The following LRRTM4 variants were observed in gnomAD, a reference collection of about 807,000 sequenced individuals.
The protein encoded by LRRTM4 is leucine-rich repeat transmembrane neuronal protein 4.
In LRRTM4, 25 loss-of-function variants were observed where a neutral mutation model predicts 47.6. The ratio of observed to expected loss-of-function variants is 0.53; its 90% CI spans 0.38 to 0.73. LRRTM4 has a LOEUF of 0.73. LRRTM4 is among the 30% of genes least tolerant of loss of function. The probability of loss-of-function intolerance (pLI) is 0.00; values close to 1 mark genes in which losing one functional copy is unlikely to be tolerated. For synonymous variants in LRRTM4, 311 were observed against 269.5 expected, an observed-to-expected ratio of 1.15 and a Z score of -1.51; for missense variants, 638 against 713.4, an observed-to-expected ratio of 0.89 and a Z score of 1.20.
intron 3 of LRRTM4, among the ~76,000 whole-genome samples, chr2:77,207,342 T>C (rs1674157482): frequency 1.2e-5 from 1 of 85,420 alleles, no homozygotes; most frequent in African/African-American, 5.6e-5. Context: ...CCTAATTTCA[T>C]ATATGTGTAT....
intron 3 of LRRTM4, among the ~76,000 whole-genome samples, chr2:76,954,884 G>C (rs1286008971): frequency 6.6e-6 from 1 of 151,646 alleles, no homozygotes; most frequent in Non-Finnish European, 1.5e-5. Context: ...GGGCCAGAAA[G>C]ACTTGGTATG....
intron 3 of LRRTM4, among the ~76,000 whole-genome samples, chr2:77,413,523 TG>T (rs1255390017): frequency 1.3e-5 from 2 of 152,190 alleles, no homozygotes; most frequent in Non-Finnish European, 2.9e-5. Flanking sequence ...GACCAATCAT[TG>T]TTACCTGTGG....
chr2:77,514,354 GA>G (rs1273513694), intron 3 of LRRTM4, among the ~76,000 whole-genome samples: 7 of 151,908 alleles, frequency 4.6e-5, no homozygotes, highest in African/African-American at 1.2e-4. Flanking sequence ...TCTAAAGTGT[GA>G]AAAGAAGTTA....
At chr2:77,087,977 C>T (rs1032292238) in intron 3 of LRRTM4, among the ~76,000 whole-genome samples, 16 of 152,120 alleles carry the variant, frequency 1.1e-4, no homozygotes, top group African/African-American at 3.6e-4. Flanking sequence ...TTGAGTGCAA[C>T]CCCAGAGATG....
Position 76,943,065 on chromosome 2 carries a change from T to C in LRRTM4, c.1552-194149A>G, listed in dbSNP as rs13429980. The stretch of plus-strand genomic sequence containing the variant: ...GACATTATGAAATACCATAAAATAG[T>C]AATCTGTACATCAACTCTACATCGT... On this transcript the variant is annotated intron_variant, in intron 3 of 3. Coordinates refer to ENST00000409884, the MANE Select transcript of LRRTM4 (RefSeq NM_001134745.3). Among the ~76,000 whole-genome samples the C allele has an allele frequency of 7.8e-3, 1,189 of 152,302 alleles. 13 individuals carry two copies. The highest frequency in any genetic ancestry group is 0.027 in the African/African-American group (1,130 of 41,568).
Position 77,306,897 on chromosome 2 carries a change from A to ATTTTTTTTTTTTTTTTTTTTT in LRRTM4, c.1551+211420_1551+211421insAAAAAAAAAAAAAAAAAAAAA, listed in dbSNP as rs774697360. ...AAATAGCTATATACTGCTTTTCCAT[A>ATTTTTTTTTTTTTTTTTTTTT]TTTTTTTTTTTTTTTTTTTTGAGAT... is the stretch of plus-strand genomic sequence containing the variant. On this transcript the variant is annotated intron_variant, in intron 3 of 3. Coordinates refer to ENST00000409884, the MANE Select transcript of LRRTM4 (RefSeq NM_001134745.3). Among the ~76,000 whole-genome samples the ATTTTTTTTTTTTTTTTTTTTT allele has an allele frequency of 1.6e-4, 18 of 112,414 alleles. 1 individual carries two copies. The highest frequency in any genetic ancestry group is 3.9e-4 in the African/African-American group (9 of 23,136). 73.7% of individuals were successfully genotyped at this position (112,414 alleles called of 152,430 possible).
intron 3 of LRRTM4, among the ~76,000 whole-genome samples, chr2:77,183,129 C>A (rs1673396163): frequency 6.6e-6 from 1 of 151,860 alleles, no homozygotes; most frequent in Non-Finnish European, 1.5e-5. Context: ...AAAGAAACTA[C>A]TATCAGAGTG....
At chr2:77,029,433 A>G (rs1678574720) in intron 3 of LRRTM4, among the ~76,000 whole-genome samples, 1 of 152,096 alleles carries the variant, frequency 6.6e-6, no homozygotes, top group African/African-American at 2.4e-5. Flanking sequence ...CAAGAGTCCA[A>G]AGGCTGAAGA....
chr2:76,779,099 A>T (rs1422490488), intron 3 of LRRTM4, among the ~76,000 whole-genome samples: 1 of 148,678 alleles, frequency 6.7e-6, no homozygotes, highest in African/African-American at 2.5e-5. Flanking sequence ...CCTGAGTTCT[A>T]GTTTGATTGC....
At chr2:77,108,785 G>A (rs144458226) in intron 3 of LRRTM4, among the ~76,000 whole-genome samples, 11,156 of 151,176 alleles carry the variant, frequency 0.074, 905 homozygotes, top group African/African-American at 0.19. Flanking sequence ...GGGTTTCACC[G>A]TTTTAGCCGG....
intron 3 of LRRTM4, among the ~76,000 whole-genome samples, chr2:76,815,576 C>T (rs1670875254): frequency 6.6e-6 from 1 of 151,998 alleles, no homozygotes; most frequent in South Asian, 2.1e-4. Context: ...AAGGCAAAGT[C>T]ATAGTTGTAG....
chr2:77,094,733 A>G (rs772954776), intron 3 of LRRTM4, among the ~76,000 whole-genome samples: 2 of 152,178 alleles, frequency 1.3e-5, no homozygotes, highest in Non-Finnish European at 2.9e-5. Context: ...ATCCAGAATC[A>G]AAAGAATGAA....
intron 3 of LRRTM4, among the ~76,000 whole-genome samples, chr2:76,944,193 C>T (rs541522744): frequency 6.6e-6 from 1 of 152,182 alleles, no homozygotes; most frequent in Non-Finnish European, 1.5e-5. Flanking sequence ...CATGTTGTTT[C>T]TTCTTTGAAC....
chr2:77,490,871 G>A (rs1202506826), intron 3 of LRRTM4, among the ~76,000 whole-genome samples: 2 of 151,738 alleles, frequency 1.3e-5, no homozygotes, highest in Non-Finnish European at 2.9e-5. Flanking sequence ...CCAGTAAAAA[G>A]TATTATAGTA....
intron 3 of LRRTM4, among the ~76,000 whole-genome samples, chr2:76,864,822 G>A (rs1573228747): frequency 1.4e-5 from 2 of 142,464 alleles, no homozygotes; most frequent in Non-Finnish European, 3.0e-5. Context: ...AACCTCCCGG[G>A]CTCAAGTGAT....
chr2:77,111,622 T>C (rs759310628), intron 3 of LRRTM4, among the ~76,000 whole-genome samples: 3 of 152,176 alleles, frequency 2.0e-5, no homozygotes, highest in Non-Finnish European at 2.9e-5. Flanking sequence ...CCTTAAGATT[T>C]CCTGTGTCCA....
chr2:77,233,901 G>A (rs1281982905), intron 3 of LRRTM4, among the ~76,000 whole-genome samples: 1 of 152,038 alleles, frequency 6.6e-6, no homozygotes, highest in African/African-American at 2.4e-5. Context: ...ATGTTCAAGC[G>A]AGTCTCCCAC....
rs983967591 is a variant in LRRTM4, at chr2:77,519,525, A to G, written c.344T>C (p.Ile115Thr). ...FQGIRRLKEL[I>T]LSSNKITYLH... Reference sequence around the variant, plus strand: ...ATAAGTAATTTTGTTGGAGCTTAGAATTAATTCTTTCAGTCTACGGATCCC... The same window carrying G: ...ATAAGTAATTTTGTTGGAGCTTAGAGTTAATTCTTTCAGTCTACGGATCCC... The change falls in exon 3 of 4, where the codon ATT (isoleucine) becomes ACT (threonine). Residue 115 changes from isoleucine to threonine, a missense_variant. Physicochemically the swap from Ile to Thr is moderately conservative, Grantham distance 89. Coordinates refer to ENST00000409884, the MANE Select transcript of LRRTM4 (RefSeq NM_001134745.3). The surrounding 1 kb of genome is among the most constrained non-coding windows in gnomAD (Gnocchi z 4.6). 1.2e-5 allele frequency: 20 copies of G among 1,613,324 alleles called. No individual in the cohort carries two copies. Among genetic ancestry groups the G allele is most frequent in the Non-Finnish European group, 1.5e-5 (18 of 1,179,636 alleles).
rs577820379 is a variant in LRRTM4 at position 77,213,842 on chromosome 2, A to AGAAGAGTGCTTCACTTT, written c.1551+304459_1551+304475dup. 1.7e-4 allele frequency among the ~76,000 whole-genome samples: 26 copies of AGAAGAGTGCTTCACTTT among 152,252 alleles called. No homozygotes were observed. The East Asian group carries it at 4.3e-3, about 25-fold the overall frequency. Reference sequence around the variant, plus strand: ...TTTGTTTGCTGAGACTCCAGCAGGAAGAAGAGTGCTTCACTTTATCTCAGT... The same window carrying AGAAGAGTGCTTCACTTT: ...TTTGTTTGCTGAGACTCCAGCAGGAAGAAGAGTGCTTCACTTTGAAGAGTGCTTCACTTTATCTCAGT... On this transcript the variant is annotated intron_variant, in intron 3 of 3. Coordinates refer to ENST00000409884, the MANE Select transcript of LRRTM4 (RefSeq NM_001134745.3).
Sources: gnomAD v4.1 joint callset for allele counts (sites outside exome capture counted in the v4.1 genomes callset) on GRCh38, gnomAD v4.1.1 for gene constraint, Gnocchi (gnomAD v3.1) non-coding constraint, MANE v1.5 for transcripts, NCBI Gene and HGNC (gene_info 2026-07-23, HGNC 2026-07-21) for gene names.